Variants in BUD31 observed in about 807,000 individuals in gnomAD.
BUD31 encodes protein BUD31 homolog.
A neutral mutation model predicts 17.9 loss-of-function variants in BUD31; 9 were observed. The observed-to-expected ratio is 0.50, with a 90% CI of 0.30 to 0.88. The LOEUF (loss-of-function observed/expected upper bound fraction) is 0.88. Ranked by LOEUF, BUD31 falls within the 40% of genes least tolerant of loss-of-function variation. BUD31 has a pLI of 0.06. For missense variants in BUD31, 148 were observed against 184.5 expected, an observed-to-expected ratio of 0.80 and a Z score of 1.15; for synonymous variants, 70 against 64.7, an observed-to-expected ratio of 1.08 and a Z score of -0.39.
chr7:99,417,807 A>C (rs776848035), intron 5 of BUD31: 6 of 1,508,832 alleles, frequency 4.0e-6, no homozygotes, highest in African/African-American at 2.8e-5. Context: ...GGTCAATCTC[A>C]ACTCCACTTT....
chr7:99,411,076 T>C lies in BUD31; in HGVS notation c.-17T>C, dbSNP rs1399479482. On this transcript the variant is annotated 5_prime_UTR_variant, in exon 3 of 6. Coordinates refer to ENST00000222969, the MANE Select transcript of BUD31 (RefSeq NM_003910.4). ...TTTTTTCCCCCAGATCTTTGCAGAT[T>C]ATCCTGTGGAAGGAAAATGCCTAAA... 1.2e-6 allele frequency: 2 copies of C among 1,610,038 alleles called. No homozygotes were observed. Among genetic ancestry groups the C allele is most frequent in the East Asian group, 4.5e-5 (2 of 44,874 alleles).
chr7:99,410,333 C>G (rs987479740), intron 2 of BUD31, among the ~76,000 whole-genome samples, 164 bp downstream of exon 2: 6 of 151,988 alleles, frequency 3.9e-5, no homozygotes, highest in Non-Finnish European at 7.4e-5. Context: ...ATCCTCTTGC[C>G]TCAGCCTTCC....
At chr7:99,412,829 G>A (rs1795243029) in intron 3 of BUD31, among the ~76,000 whole-genome samples, 3 of 149,490 alleles carry the variant, frequency 2.0e-5, no homozygotes. Flanking sequence ...CACCATGTTA[G>A]CCAGGATGGT....
chr7:99,413,643 G>A (rs1795273274), intron 3 of BUD31, among the ~76,000 whole-genome samples: 1 of 152,148 alleles, frequency 6.6e-6, no homozygotes, highest in African/African-American at 2.4e-5. Context: ...CCAGGCTGGA[G>A]TGCAGTGGCA....
chr7:99,417,839 T>C lies in BUD31; in HGVS notation c.384+244T>C, dbSNP rs1267132068. 2.1e-6 allele frequency: 3 copies of C among 1,452,790 alleles called. No individual in the cohort carries two copies. In the Admixed American group the frequency reaches 6.8e-5, roughly 33 times the overall value. 90.0% of individuals were successfully genotyped at this position (1,452,790 alleles called of 1,614,324 possible). A position where few individuals can be genotyped will look rare whatever the true frequency, so the allele number is the denominator to read the frequency against. ...CTTTTGGGCAAATTACTGAACCCCT[T>C]TCCTCACTTAGGAAATGGTGGTGGG... On this transcript the variant is annotated intron_variant, in intron 5 of 5. Transcript: ENST00000222969.
At chr7:99,416,018 C>T in intron 3 of BUD31, 120 bp from the exon 4 acceptor site, 7 of 1,427,520 alleles carry the variant, frequency 4.9e-6, no homozygotes, top group Non-Finnish European at 6.6e-6. Flanking sequence ...TGGCTTGCCA[C>T]CCACAGCCAT....
In BUD31 at chr7:99,416,188, A is replaced by G; in HGVS notation, c.145A>G (p.Ile49Val). 6.2e-7 allele frequency: 1 copy of G among 1,614,086 alleles called. No homozygotes were observed. The highest frequency in any genetic ancestry group is 8.5e-7 in the Non-Finnish European group (1 of 1,179,964). The part of the protein sequence containing the change: ...GKRKVESLWP[I>V]FRIHHQKTRY... ...GAGGAAAGTGGAATCTCTGTGGCCC[A>G]TCTTCAGGATCCACCACCAGAAAAC... Residue 49 changes from isoleucine to valine, a missense_variant, in exon 4 of 6, where the codon ATC (isoleucine) becomes GTC (valine). Ile to Val is a conservative substitution (Grantham distance 29). Coordinates refer to ENST00000222969, the MANE Select transcript of BUD31 (RefSeq NM_003910.4).
At chr7:99,412,286 C>T (rs1216773005) in intron 3 of BUD31, among the ~76,000 whole-genome samples, 2 of 152,148 alleles carry the variant, frequency 1.3e-5, no homozygotes, top group Non-Finnish European at 2.9e-5. Flanking sequence ...GAAATGGGAG[C>T]ATGCTGGAAT....
intron 3 of BUD31, among the ~76,000 whole-genome samples, chr7:99,415,680 C>T (rs1190336249): frequency 1.3e-5 from 2 of 152,172 alleles, no homozygotes; most frequent in Non-Finnish European, 2.9e-5. Context: ...CAACGGGCAT[C>T]TTCCCAGATG....
At chr7:99,414,131 A>ATTTTTTAT (rs1253085666) in intron 3 of BUD31, among the ~76,000 whole-genome samples, 1 of 150,566 alleles carries the variant, frequency 6.6e-6, no homozygotes, top group Non-Finnish European at 1.5e-5. Context: ...TACTTAGCTT[A>ATTTTTTAT]TTTTTTATTT....
chr7:99,411,173 A>C lies in BUD31; in HGVS notation c.81A>C (p.Gln27His), dbSNP rs777288499. 6.2e-7 allele frequency: 1 copy of C among 1,614,036 alleles called. No homozygotes were observed. Among genetic ancestry groups the C allele is most frequent in the Non-Finnish European group, 8.5e-7 (1 of 1,179,942 alleles). ...AGCCAACACTGGATGAATTAGATCA[A>C]AAGATGAGAGAAGGTGAGTAGGGGA... ...LIEPTLDELD[Q>H]KMREAETEPH... Residue 27 changes from glutamine to histidine, a missense_variant, in exon 3 of 6, where the codon CAA becomes CAC. Physicochemically the swap from Gln to His is conservative, Grantham distance 24. Transcript: ENST00000222969.
chr7:99,416,275 T>G lies in BUD31; in HGVS notation c.217+15T>G, dbSNP rs768869841. 307 of 1,607,122 alleles carry G rather than the reference T, an allele frequency of 1.9e-4. 4 individuals carry two copies. In the Admixed American group the frequency reaches 5.0e-3, roughly 26 times the overall value. On this transcript the variant is annotated intron_variant, in intron 4 of 5. Transcript: ENST00000222969. ...CATCAGCAGAGGTAATTAGTCAGTC[T>G]CTCTTGGACTTTGAAGCTCGCGTCA...
chr7:99,416,401 GT>G, intron 4 of BUD31, 141 bp downstream of exon 4: 1 of 1,077,150 alleles, frequency 9.3e-7, no homozygotes, highest in South Asian at 1.6e-5. Flanking sequence ...CGTTGGCTGA[GT>G]TTTGTGTGTG....
rs550006187 is a variant in BUD31, at chr7:99,417,828, A to G, written c.384+233A>G. On this transcript the variant is annotated intron_variant, in intron 5 of 5. Transcript: ENST00000222969. ...TCTCAACTCCACTTTTGGGCAAATT[A>G]CTGAACCCCTTTCCTCACTTAGGAA... 2.7e-6 allele frequency: 4 copies of G among 1,481,140 alleles called. No individual in the cohort carries two copies. The African/African-American group carries it at 5.6e-5, about 21-fold the overall frequency. 91.7% of individuals were successfully genotyped at this position (1,481,140 alleles called of 1,614,324 possible). A position where few individuals can be genotyped will look rare whatever the true frequency, so the allele number is the denominator to read the frequency against.
In BUD31 at chr7:99,419,431, G is replaced by A. The variant is rs534586058; in HGVS notation, c.425G>A (p.Cys142Tyr). 1.2e-6 allele frequency: 2 copies of A among 1,612,776 alleles called. No individual in the cohort carries two copies. Among genetic ancestry groups the A allele is most frequent in the East Asian group, 2.2e-5 (1 of 44,878 alleles). ...TGCACACACTGTGGCTGTCGTGGCT[G>A]CTCTGGCTGAGGCTGGCGCGCTCCA... ...IECTHCGCRG[C>Y]SG Residue 142 changes from cysteine to tyrosine, a missense_variant, in exon 6 of 6, where the codon TGC (cysteine) becomes TAC (tyrosine). Cys to Tyr is a radical substitution (Grantham distance 194). Coordinates refer to ENST00000222969, the MANE Select transcript of BUD31 (RefSeq NM_003910.4).
chr7:99,419,179 C>T (rs1685425054), intron 5 of BUD31: 1 of 588,320 alleles, frequency 1.7e-6, no homozygotes, highest in Admixed American at 3.0e-5. Context: ...TATAAATAGA[C>T]ATACAGATGT....
intron 3 of BUD31, among the ~76,000 whole-genome samples, chr7:99,413,310 G>A (rs747400154): frequency 4.6e-5 from 7 of 152,214 alleles, no homozygotes; most frequent in Non-Finnish European, 8.8e-5. Flanking sequence ...TGCTGAGAGA[G>A]AGAGAACTGC....
intron 2 of BUD31, 77 bp from the exon 3 acceptor site, chr7:99,410,987 A>G: frequency 1.1e-6 from 1 of 914,670 alleles, no homozygotes; most frequent in Non-Finnish European, 1.7e-6. Flanking sequence ...CAAGGAAGTC[A>G]GCCTGTACCG....
chr7:99,417,586 G>T lies in BUD31; in HGVS notation c.375G>T (p.Lys125Asn). 1 of 1,612,048 alleles carries T rather than the reference G, an allele frequency of 6.2e-7. No homozygotes were observed. The highest frequency in any genetic ancestry group is 1.1e-5 in the South Asian group (1 of 91,088). ...GCATCTGCCGCGTGCCCAAAAGCAA[G>T]CTGGAAGTGGTAATGTCTGACACTC... Reference protein sequence around the residue: ...TNCICRVPKSKLEVGRIIECT... With the variant: ...TNCICRVPKSNLEVGRIIECT... The change falls in exon 5 of 6, where the codon AAG becomes AAT. Residue 125 changes from lysine (K) to asparagine (N), a missense_variant. By Grantham distance (94) the Lys-to-Asn change is moderately conservative. Transcript: ENST00000222969.
Sources: allele counts gnomAD v4.1 joint callset (sites outside exome capture counted in the v4.1 genomes callset), GRCh38; gene constraint gnomAD v4.1.1; transcripts MANE v1.5; gene names NCBI Gene and HGNC (gene_info 2026-07-23, HGNC 2026-07-21).